RSPH14: variants seen among roughly 807,000 people sequenced by gnomAD.
RSPH14 encodes the protein rhabdoid tumor deletion region gene 1.
A neutral mutation model predicts 26.7 loss-of-function variants in RSPH14; 20 were observed. The ratio of observed to expected loss-of-function variants is 0.75; its 90% CI spans 0.53 to 1.09. The LOEUF (loss-of-function observed/expected upper bound fraction) is 1.09. Ranked by LOEUF, RSPH14 falls within the 50% of genes least tolerant of loss-of-function variation. RSPH14 has a pLI of 0.00. For missense variants in RSPH14, 449 were observed against 457.2 expected (o/e 0.98, Z 0.16); for synonymous variants, 177 against 189.3 (o/e 0.93, Z 0.53).
In RSPH14 at chr22:23,122,620, T is replaced by C. The variant is rs139967532; in HGVS notation, c.421+11406A>G. ...TTGAAGGACTGGGCCAGAACCCAGATAGGGCACAAGGCTGCCAGCGCCTGC... is the reference window on the plus strand; with the variant it reads ...TTGAAGGACTGGGCCAGAACCCAGACAGGGCACAAGGCTGCCAGCGCCTGC... On this transcript the variant is annotated intron_variant, in intron 4 of 6. Coordinates refer to ENST00000216036, the MANE Select transcript of RSPH14 (RefSeq NM_014433.3). The C allele has an allele frequency of 4.5e-3, 758 of 167,886 alleles. 5 individuals carry two copies. The highest frequency in any genetic ancestry group is 0.016 in the African/African-American group (684 of 42,026). The allele number at this position is 167,886 out of a possible 1,614,324, so 10.4% of individuals were successfully genotyped here.
intron 4 of RSPH14, among the ~76,000 whole-genome samples, chr22:23,102,609 A>G (rs885962): frequency 1.3e-5 from 2 of 152,078 alleles, no homozygotes; most frequent in Non-Finnish European, 2.9e-5. Context: ...GGCTGCCCCC[A>G]CACCTGCTCT....
At chr22:23,068,275 A>G (rs1189710819) in intron 4 of RSPH14, among the ~76,000 whole-genome samples, 5 of 152,172 alleles carry the variant, frequency 3.3e-5, no homozygotes, top group Admixed American at 1.3e-4. Flanking sequence ...TTCCTTTGGG[A>G]AGCTGGCCCA....
In RSPH14 at chr22:23,091,069, C is replaced by T. The variant is rs182940052; in HGVS notation, c.422-26936G>A. On this transcript the variant is annotated intron_variant, in intron 4 of 6. Transcript: ENST00000216036. ...GCTCCCAGGATGCCACATGCAACCA[C>T]ATGCAGATGCCCACATGCACCAGTA... 1.2e-3 allele frequency among the ~76,000 whole-genome samples: 178 copies of T among 152,334 alleles called. 3 individuals are homozygous for T. Among genetic ancestry groups the T allele is most frequent in the African/African-American group, 4.2e-3 (176 of 41,564 alleles).
chr22:23,130,127 GAA>G (rs1427155884), intron 4 of RSPH14, among the ~76,000 whole-genome samples: 1 of 107,940 alleles, frequency 9.3e-6, no homozygotes, highest in Non-Finnish European at 2.1e-5. Flanking sequence ...AAGAAAGAAA[GAA>G]AGAAAGAAAG....
the RSPH14 span, among the ~76,000 whole-genome samples, chr22:23,152,866 C>A: frequency 7.9e-5 from 12 of 152,236 alleles, no homozygotes; most frequent in Non-Finnish European, 1.2e-4. Flanking sequence ...CCTCCCTTTC[C>A]CCACATTGTC....
intron 4 of RSPH14, among the ~76,000 whole-genome samples, chr22:23,094,981 TG>T (rs2069081831): frequency 6.6e-6 from 1 of 152,202 alleles, no homozygotes. Flanking sequence ...GCATGGGGGC[TG>T]GGTGGGCAGA....
intron 4 of RSPH14, chr22:23,131,716 A>T (rs919074910): frequency 3.8e-6 from 4 of 1,053,428 alleles, no homozygotes; most frequent in Non-Finnish European, 5.3e-6. Context: ...AGCTCAACCC[A>T]GCACTGGTCC....
chr22:23,173,199 A>C, the RSPH14 span, among the ~76,000 whole-genome samples: 4 of 151,330 alleles, frequency 2.6e-5, no homozygotes, highest in Non-Finnish European at 5.9e-5. Context: ...CAGTGGCGCG[A>C]TCTCCGCTCA....
chr22:23,160,642 G>A, the RSPH14 span, among the ~76,000 whole-genome samples: 1 of 152,228 alleles, frequency 6.6e-6, no homozygotes, highest in Non-Finnish European at 1.5e-5. Flanking sequence ...GCAGTGGGGT[G>A]GGAGTTGGGA....
intron 4 of RSPH14, among the ~76,000 whole-genome samples, chr22:23,101,008 T>C (rs1033292956): frequency 6.6e-6 from 1 of 152,214 alleles, no homozygotes; most frequent in African/African-American, 2.4e-5. Context: ...AAATGGCGTG[T>C]TGTGGGTGAA....
chr22:23,157,376 G>A, the RSPH14 span, among the ~76,000 whole-genome samples: 414 of 151,864 alleles, frequency 2.7e-3, 4 homozygotes, highest in African/African-American at 9.6e-3. Flanking sequence ...TCAGCCTCCC[G>A]AGTAGCTGGG....
the RSPH14 span, among the ~76,000 whole-genome samples, chr22:23,178,705 G>A: frequency 4.6e-5 from 7 of 152,162 alleles, no homozygotes; most frequent in South Asian, 2.1e-4. Flanking sequence ...GTTCTCCAGG[G>A]GCACTAATAT....
At chr22:23,138,819 G>T in intron 3 of RSPH14, 21 bp downstream of exon 3, 1 of 1,546,222 alleles carries the variant, frequency 6.5e-7, no homozygotes, top group Non-Finnish European at 8.7e-7. Flanking sequence ...CGTCACACTG[G>T]TTTCCAGAAC....
chr22:23,118,503 A>G (rs2069917697), intron 4 of RSPH14, among the ~76,000 whole-genome samples: 1 of 136,078 alleles, frequency 7.3e-6, no homozygotes, highest in East Asian at 2.6e-4. Context: ...CTGCCTTGGC[A>G]GCCATAGAGG....
intron 5 of RSPH14, among the ~76,000 whole-genome samples, chr22:23,063,345 G>A (rs183564739): frequency 3.7e-4 from 57 of 152,310 alleles, no homozygotes; most frequent in Middle Eastern, 3.4e-3. Context: ...TCTGGGGTTC[G>A]GTGACCAGCC....
chr22:23,160,441 G>C, the RSPH14 span, among the ~76,000 whole-genome samples: 8 of 152,346 alleles, frequency 5.3e-5, no homozygotes, highest in Middle Eastern at 3.4e-3. Flanking sequence ...ATGCATAAAG[G>C]CTCCATGTGG....
At chr22:23,081,983 G>A (rs1295572557) in intron 4 of RSPH14, among the ~76,000 whole-genome samples, 1 of 151,122 alleles carries the variant, frequency 6.6e-6, no homozygotes, top group Admixed American at 6.6e-5. Context: ...AAATTAGCTG[G>A]GTGTGGTGGC....
At chr22:23,115,413 G>T (rs1601828876) in intron 4 of RSPH14, among the ~76,000 whole-genome samples, 1 of 152,190 alleles carries the variant, frequency 6.6e-6, no homozygotes, top group Non-Finnish European at 1.5e-5. Context: ...TGTGTGCAAG[G>T]GTCAGGGTTT....
the RSPH14 span, among the ~76,000 whole-genome samples, chr22:23,178,597 T>C: frequency 6.6e-6 from 1 of 152,204 alleles, no homozygotes; most frequent in Non-Finnish European, 1.5e-5. Context: ...GGGACCAGGA[T>C]GGCAGGAGGT....
Sources: gnomAD v4.1 joint callset for allele counts (sites outside exome capture counted in the v4.1 genomes callset) on GRCh38, gnomAD v4.1.1 for gene constraint, MANE v1.5 for transcripts, NCBI Gene and HGNC (gene_info 2026-07-23, HGNC 2026-07-21) for gene names.